Variants in RYK observed in about 807,000 individuals in gnomAD.
RYK encodes the protein receptor like tyrosine kinase, also known as inactive tyrosine-protein kinase RYK.
Under a neutral mutation model 70.2 loss-of-function variants are expected in RYK, and 21 were observed. The ratio of observed to expected loss-of-function variants is 0.30; its 90% CI spans 0.21 to 0.43. The LOEUF (loss-of-function observed/expected upper bound fraction) is 0.43, where lower values mean the gene tolerates loss of function less well. Ranked by LOEUF, RYK falls within the 20% of genes least tolerant of loss-of-function variation. The pLI is 1.00. For missense variants in RYK, 604 were observed against 753.3 expected (o/e 0.80, Z 2.32); for synonymous variants, 267 against 278.0 (o/e 0.96, Z 0.39).
intron 1 of RYK, among the ~76,000 whole-genome samples, chr3:134,229,422 C>A (rs915098864): frequency 1.2e-4 from 17 of 144,248 alleles, no homozygotes; most frequent in Non-Finnish European, 2.5e-4. Flanking sequence ...ATCTTCACAA[C>A]CTGGGGTAAG....
Position 134,175,684 on chromosome 3 carries a change from G to A in RYK, c.1500C>T (p.Asp500=), listed in dbSNP as rs2013074582. The change falls in exon 13 of 15, where the codon GAC becomes GAT. Residue 500 remains aspartate (D), a synonymous_variant. Coordinates refer to ENST00000623711, the MANE Select transcript of RYK (RefSeq NM_002958.4). ...LFPMDYHCLG[D]NENRPVRWMA... ...TCCAACGAACTGGCCTGTTTTCATT[G>A]TCCCCCAGACAGTGATAGTCCATGG... 1 of 1,613,892 alleles carries A rather than the reference G, an allele frequency of 6.2e-7. No homozygotes were observed. The highest frequency in any genetic ancestry group is 1.3e-5 in the African/African-American group (1 of 75,020).
intron 1 of RYK, among the ~76,000 whole-genome samples, chr3:134,229,307 T>C (rs1191671641): frequency 1.4e-5 from 2 of 147,366 alleles, no homozygotes; most frequent in African/African-American, 5.0e-5. Context: ...TCTCTCTCTC[T>C]CTCTCTCTCT....
At chr3:134,178,232 C>A (rs2013173800) in intron 10 of RYK, 159 bp from the exon 11 acceptor site, 2 of 590,568 alleles carry the variant, frequency 3.4e-6, no homozygotes, top group African/African-American at 3.8e-5. Context: ...GTATTTTAAA[C>A]CAGACTTAAG....
intron 2 of RYK, among the ~76,000 whole-genome samples, chr3:134,212,985 A>G (rs2014446678): frequency 6.6e-6 from 1 of 152,220 alleles, no homozygotes; most frequent in African/African-American, 2.4e-5. Flanking sequence ...CACATTCCCA[A>G]CAAAGGAAAT....
intron 1 of RYK, among the ~76,000 whole-genome samples, chr3:134,223,528 A>G (rs1488995762): frequency 2.0e-5 from 3 of 152,182 alleles, no homozygotes; most frequent in Non-Finnish European, 4.4e-5. Context: ...GGTGCCTACC[A>G]AGAAGGCAGT....
intron 1 of RYK, among the ~76,000 whole-genome samples, chr3:134,231,525 G>C (rs1258703796): frequency 6.6e-6 from 1 of 152,176 alleles, no homozygotes; most frequent in African/African-American, 2.4e-5. Flanking sequence ...ACTTTCTCAG[G>C]CTTCTAAAAC....
At chr3:134,179,155 AAT>A (rs2013209276) in intron 10 of RYK, 1 of 152,248 alleles carries the variant, frequency 6.6e-6, no homozygotes, top group Non-Finnish European at 1.5e-5. Context: ...TTTGCAAGAT[AAT>A]TATAAAAATG....
intron 13 of RYK, among the ~76,000 whole-genome samples, chr3:134,165,552 C>A (rs1000066840): frequency 2.0e-5 from 3 of 152,206 alleles, no homozygotes; most frequent in African/African-American, 7.2e-5. Context: ...CTCTTAGATG[C>A]CTCTTTAGGT....
At chr3:134,175,896 C>T (rs371857359) in intron 12 of RYK, 34 bp downstream of exon 12, 10 of 1,556,578 alleles carry the variant, frequency 6.4e-6, no homozygotes, top group African/African-American at 5.4e-5. Context: ...AAGCACTCTA[C>T]ATCAAGTGAC....
At chr3:134,168,549 C>T (rs2012774883) in intron 13 of RYK, among the ~76,000 whole-genome samples, 1 of 144,568 alleles carries the variant, frequency 6.9e-6, no homozygotes, top group Admixed American at 7.3e-5. Context: ...CATGTTCACA[C>T]TCATAGGTGG....
chr3:134,170,653 A>T (rs1023271293), intron 13 of RYK: 8 of 153,198 alleles, frequency 5.2e-5, no homozygotes, highest in African/African-American at 1.9e-4. Flanking sequence ...GGGAAAGAGA[A>T]GTCTAAATCT....
At position 134,211,480 on chromosome 3, in the gene RYK, A is replaced by C. The variant is rs563476351; in HGVS notation, c.454+28T>G. ...GGGGATGCAGTTGAAAAAGTATGTTAACTCTGTCTTTGAAGACTCTTACTT... is the reference window on the plus strand; with the variant it reads ...GGGGATGCAGTTGAAAAAGTATGTTCACTCTGTCTTTGAAGACTCTTACTT... On this transcript the variant is annotated intron_variant, in intron 3 of 14. Transcript: ENST00000623711. The C allele has an allele frequency of 2.6e-6, 4 of 1,524,950 alleles. No homozygotes were observed. In the East Asian group the frequency reaches 9.0e-5, roughly 34 times the overall value. 94.5% of individuals were successfully genotyped at this position (1,524,950 alleles called of 1,614,324 possible).
At position 134,159,287 on chromosome 3, in the gene RYK, G is replaced by A; in HGVS notation, c.1662C>T (p.Tyr554=). ...GGGCTATTCGGTAACCATCTTTCAG[G>A]TATGCGGCCATCTCGAAGGGGTCAA... The part of the protein sequence containing the change: ...VDIDPFEMAA[Y]LKDGYRIAQP... Residue 554 remains tyrosine (Y), a synonymous_variant, in exon 14 of 15, where the codon TAC becomes TAT. Transcript: ENST00000623711. 1 of 1,613,914 alleles carries A rather than the reference G, an allele frequency of 6.2e-7. No individual in the cohort carries two copies. The highest frequency in any genetic ancestry group is 8.5e-7 in the Non-Finnish European group (1 of 1,179,852).
At chr3:134,209,979 T>A in intron 3 of RYK, 150 bp from the exon 4 acceptor site, 1 of 611,012 alleles carries the variant, frequency 1.6e-6, no homozygotes, top group East Asian at 3.3e-5. Context: ...TAAACAAAAG[T>A]TTTTAGAGAT....
rs2014393863 is a variant in RYK at position 134,211,572 on chromosome 3, A to T, written c.390T>A (p.Val130=). ...TGACCTGGGGCATATCCATTGCCAA[A>T]ACATTGTCCACTTGGAATCCCAGCT... ...EYKLGFQVDN[V]LAMDMPQVNI... is the part of the protein sequence containing the mutation. The change falls in exon 3 of 15, where the codon GTT becomes GTA. Residue 130 remains valine (V), a synonymous_variant. Transcript: ENST00000623711. 6.2e-7 allele frequency: 1 copy of T among 1,613,668 alleles called. No individual in the cohort carries two copies. The highest frequency in any genetic ancestry group is 8.5e-7 in the Non-Finnish European group (1 of 1,179,752).
intron 1 of RYK, 149 bp downstream of exon 1, chr3:134,250,274 G>A (rs944550460): frequency 5.4e-6 from 2 of 371,330 alleles, no homozygotes; most frequent in African/African-American, 2.1e-5. Context: ...AGCACGGCAG[G>A]CAGAGACCGG....
intron 13 of RYK, among the ~76,000 whole-genome samples, chr3:134,166,421 T>C (rs1347857479): frequency 1.3e-5 from 2 of 152,224 alleles, no homozygotes. Context: ...TCTATGGCAG[T>C]TTGTTACAGT....
chr3:134,159,015 T>G (rs1454400933), intron 14 of RYK, among the ~76,000 whole-genome samples: 1 of 152,228 alleles, frequency 6.6e-6, no homozygotes, highest in Admixed American at 6.5e-5. Flanking sequence ...GCTTAGATTA[T>G]GCACTATAAA....
rs141307119 is a variant in RYK, at chr3:134,177,328, C to T, written c.1305+613G>A. 1.8e-4 allele frequency among the ~76,000 whole-genome samples: 28 copies of T among 152,238 alleles called. No individual in the cohort carries two copies. In the East Asian group the frequency reaches 5.4e-3, roughly 29 times the overall value. ...ACTTTCTCCTGGCAACTATAATAAG[C>T]ATACTATTATAAATCCTAAAGCAAC... On this transcript the variant is annotated intron_variant, in intron 11 of 14. Coordinates refer to ENST00000623711, the MANE Select transcript of RYK (RefSeq NM_002958.4).
Sources: allele counts gnomAD v4.1 joint callset (sites outside exome capture counted in the v4.1 genomes callset), GRCh38; gene constraint gnomAD v4.1.1; transcripts MANE v1.5; gene names NCBI Gene and HGNC (gene_info 2026-07-23, HGNC 2026-07-21).